The following ANK3 variants were observed in gnomAD, a reference collection of about 807,000 sequenced individuals.
ANK3 encodes ankyrin 3.
ANK3 carries 57 observed loss-of-function variants against 370.9 expected under a neutral mutation model. That is an observed-to-expected ratio of 0.15 (90% CI 0.12 to 0.19). The LOEUF (loss-of-function observed/expected upper bound fraction) is 0.19, where lower values mean the gene tolerates loss of function less well. ANK3 is among the 10% of genes least tolerant of loss of function. The pLI is 1.00. For missense variants in ANK3, 4,439 were observed against 5,302.1 expected (o/e 0.84, Z 5.06); for synonymous variants, 1,929 against 1,946.3 (o/e 0.99, Z 0.23).
intron 2 of ANK3, among the ~76,000 whole-genome samples, chr10:60,593,407 C>T (rs2077944314): frequency 1.3e-5 from 2 of 152,122 alleles, no homozygotes; most frequent in Admixed American, 1.3e-4. Flanking sequence ...GTGCCTTGAT[C>T]TCAAAGGACT....
intron 2 of ANK3, among the ~76,000 whole-genome samples, chr10:60,424,148 G>A (rs951145743): frequency 6.6e-6 from 1 of 152,060 alleles, no homozygotes; most frequent in East Asian, 1.9e-4. Flanking sequence ...CTATCTGTGA[G>A]TCACTATACT....
intron 23 of ANK3, chr10:60,140,674 C>T (rs1248216039): frequency 6.2e-6 from 8 of 1,298,966 alleles, no homozygotes; most frequent in Non-Finnish European, 7.8e-6. Context: ...CCTTTTAAAG[C>T]TCCTTCTGAT....
chr10:60,636,395 C>A (rs1416281272), intron 1 of ANK3, among the ~76,000 whole-genome samples: 1 of 152,158 alleles, frequency 6.6e-6, no homozygotes, highest in Non-Finnish European at 1.5e-5. Context: ...AAAAATCAAC[C>A]TCCAAAGTCT....
intron 1 of ANK3, among the ~76,000 whole-genome samples, chr10:60,674,514 G>C (rs1293218494): frequency 1.3e-5 from 2 of 152,072 alleles, no homozygotes; most frequent in Non-Finnish European, 2.9e-5. Flanking sequence ...CATTACCATG[G>C]GGAGGACACC....
chr10:60,405,619 T>C (rs1273628340), intron 2 of ANK3, among the ~76,000 whole-genome samples: 1 of 152,204 alleles, frequency 6.6e-6, no homozygotes, highest in Non-Finnish European at 1.5e-5. Flanking sequence ...CATTTAAGTT[T>C]TGTGCATTCC....
chr10:60,247,569 T>C (rs2097576260), intron 7 of ANK3, among the ~76,000 whole-genome samples: 1 of 152,176 alleles, frequency 6.6e-6, no homozygotes, highest in South Asian at 2.1e-4. Flanking sequence ...TGTCTCCGAA[T>C]CTGACTACTA....
chr10:60,729,546 T>C (rs1235863507), intron 1 of ANK3, among the ~76,000 whole-genome samples: 1 of 152,200 alleles, frequency 6.6e-6, no homozygotes, highest in East Asian at 1.9e-4. Flanking sequence ...CCAAAATATA[T>C]GTTAGGGCCA....
At chr10:60,205,042 G>T (rs2096740304) in intron 11 of ANK3, among the ~76,000 whole-genome samples, 1 of 152,154 alleles carries the variant, frequency 6.6e-6, no homozygotes, top group Non-Finnish European at 1.5e-5. Context: ...CAATCAGAGT[G>T]CTAGGATGTA....
intron 1 of ANK3, among the ~76,000 whole-genome samples, chr10:60,313,871 A>T (rs954215636): frequency 6.6e-6 from 1 of 151,930 alleles, no homozygotes; most frequent in Non-Finnish European, 1.5e-5. Flanking sequence ...GCTAAAAAAA[A>T]TAGCACCTCC....
Position 60,181,762 on chromosome 10 carries a change from C to T in ANK3, c.2086-335G>A, listed in dbSNP as rs896091385. Reference sequence around the variant, plus strand: ...TGGAGGTTGCAGTGAGTTGAGATAGCGCCATTGCACTCCAGCCTTGGTGAC... The same window carrying T: ...TGGAGGTTGCAGTGAGTTGAGATAGTGCCATTGCACTCCAGCCTTGGTGAC... On this transcript the variant is annotated intron_variant, in intron 17 of 43. Transcript: ENST00000280772. Among the ~76,000 whole-genome samples, 4 of 151,990 alleles carry T rather than the reference C, an allele frequency of 2.6e-5. No homozygotes were observed. The South Asian group carries it at 6.2e-4, about 24-fold the overall frequency.
intron 5 of ANK3, 130 bp from the exon 6 acceptor site, chr10:60,264,150 T>C: frequency 1.5e-6 from 1 of 686,746 alleles, no homozygotes; most frequent in South Asian, 2.4e-5. Context: ...TAACAACATA[T>C]TTGAATGGAC....
chr10:60,126,468 A>G (rs1407763871), intron 25 of ANK3, among the ~76,000 whole-genome samples: 1 of 152,060 alleles, frequency 6.6e-6, no homozygotes, highest in Non-Finnish European at 1.5e-5. Context: ...GGTGGATCAC[A>G]TGAGGCCAGG....
At chr10:60,165,804 T>A (rs1392951628) in intron 23 of ANK3, among the ~76,000 whole-genome samples, 2 of 152,134 alleles carry the variant, frequency 1.3e-5, no homozygotes, top group Non-Finnish European at 2.9e-5. Flanking sequence ...CTCCCATCAT[T>A]TGGGAGAGTC....
intron 2 of ANK3, among the ~76,000 whole-genome samples, chr10:60,447,011 G>T (rs576506167): frequency 6.6e-6 from 1 of 152,270 alleles, no homozygotes; most frequent in South Asian, 2.1e-4. Flanking sequence ...ATGGGTTAGC[G>T]AAGGTATTAG....
intron 2 of ANK3, among the ~76,000 whole-genome samples, chr10:60,432,793 G>A (rs527973223): frequency 6.4e-4 from 97 of 152,274 alleles, no homozygotes; most frequent in Non-Finnish European, 9.6e-4. Context: ...CAGTAATGAG[G>A]AGAGCATGAC....
chr10:60,255,956 C>T lies in ANK3; in HGVS notation c.798+5903G>A, dbSNP rs559289038. Among the ~76,000 whole-genome samples the T allele has an allele frequency of 6.6e-5, 10 of 152,162 alleles. No homozygotes were observed. The South Asian group carries it at 2.1e-3, about 32-fold the overall frequency. ...AGGAGAGATCTGGTAAAGGGGTTCC[C>T]ACTTGGGGGAAATGAGATAGACTCT... On this transcript the variant is annotated intron_variant, in intron 7 of 43. Coordinates refer to ENST00000280772, the MANE Select transcript of ANK3 (RefSeq NM_020987.5).
At chr10:60,587,415 G>A (rs1430230887) in intron 2 of ANK3, among the ~76,000 whole-genome samples, 1 of 152,124 alleles carries the variant, frequency 6.6e-6, no homozygotes, top group Non-Finnish European at 1.5e-5. Context: ...CTTAAAACTC[G>A]AGATGCCCAG....
At chr10:60,547,125 C>G (rs147165940) in intron 2 of ANK3, among the ~76,000 whole-genome samples, 3,253 of 134,966 alleles carry the variant, frequency 0.024, 50 homozygotes, top group Admixed American at 0.035. Context: ...GAGTCTGGCT[C>G]TGTCTCCCAG....
chr10:60,074,104 G>T lies in ANK3; in HGVS notation c.6777C>A (p.Gly2259=), dbSNP rs375743828. ...CAATTCTTTCAGATGCACCTTCACC[G>T]CCTGGTGGAGAATGATAAACCATTC... ...TTRMVYHSPP[G]GEGASERIEE... is the part of the protein sequence containing the mutation. Residue 2259 remains glycine, a synonymous_variant, in exon 37 of 44, where the codon GGC becomes GGA. Transcript: ENST00000280772. The T allele has an allele frequency of 3.1e-6, 5 of 1,613,812 alleles. No homozygotes were observed. The highest frequency in any genetic ancestry group is 1.3e-5 in the African/African-American group (1 of 74,906).
Sources: gnomAD v4.1 joint callset for allele counts (sites outside exome capture counted in the v4.1 genomes callset) on GRCh38, gnomAD v4.1.1 for gene constraint, MANE v1.5 for transcripts, NCBI Gene and HGNC (gene_info 2026-07-23, HGNC 2026-07-21) for gene names.